Variants in MYOCD observed in about 807,000 individuals in gnomAD.
The protein encoded by MYOCD is myocardin.
MYOCD carries 32 observed loss-of-function variants against 96.1 expected under a neutral mutation model. That is an observed-to-expected ratio of 0.33 (90% confidence interval 0.25 to 0.45). MYOCD has a LOEUF of 0.45. MYOCD is among the 20% of genes least tolerant of loss of function. The pLI is 1.00. For missense variants in MYOCD, 1,133 were observed against 1,200.6 expected, an observed-to-expected ratio of 0.94 and a Z score of 0.83; for synonymous variants, 469 against 469.0, an observed-to-expected ratio of 1.00 and a Z score of 0.00.
chr17:12,736,005 A>G (rs534743127), intron 5 of MYOCD, among the ~76,000 whole-genome samples, 156 bp from the exon 6 acceptor site: 1 of 152,358 alleles, frequency 6.6e-6, no homozygotes, highest in Admixed American at 6.5e-5. Flanking sequence ...TTATAAACCA[A>G]ATAATTTAAA....
At position 12,766,192 on chromosome 17, in the gene MYOCD, C is replaced by G. The variant is rs1432899403; in HGVS notation, c.*2548C>G. 6.6e-6 allele frequency: 1 copy of G among 152,156 alleles called. No homozygotes were observed. Among genetic ancestry groups the G allele is most frequent in the Non-Finnish European group, 1.5e-5 (1 of 68,020 alleles). The allele number at this position is 152,156 out of a possible 1,614,324, so 9.4% of individuals were successfully genotyped here. ...CCCCTTACTTCCTTTGGAAAACAAA[C>G]TCACACAGTGCCCCTACTCTGAGAC... On this transcript the variant is annotated 3_prime_UTR_variant, in exon 14 of 14. Coordinates refer to ENST00000425538, the MANE Select transcript of MYOCD (RefSeq NM_001146312.3).
rs28730829 is a variant in MYOCD at position 12,763,317 on chromosome 17, C to A, written c.2634C>A (p.Ser878Arg). 32 of 1,607,952 alleles carry A rather than the reference C, an allele frequency of 2.0e-5. No individual in the cohort carries two copies. Among genetic ancestry groups the A allele is most frequent in the Non-Finnish European group, 2.7e-5 (32 of 1,177,420 alleles). ...ATGTCACCCTTCTAAAAATTGGGAG[C>A]GAAGAGCCTCACTTTGATGGGATAA... Reference protein sequence around the residue: ...MSDVTLLKIGSEEPHFDGIMD... With the variant: ...MSDVTLLKIGREEPHFDGIMD... Residue 878 changes from serine to arginine, a missense_variant, in exon 14 of 14, where the codon AGC (serine) becomes AGA (arginine). By Grantham distance (110) the Ser-to-Arg change is moderately radical. Coordinates refer to ENST00000425538, the MANE Select transcript of MYOCD (RefSeq NM_001146312.3).
chr17:12,715,404 T>C (rs1200162342), intron 2 of MYOCD, 115 bp from the exon 3 acceptor site: 3 of 744,022 alleles, frequency 4.0e-6, no homozygotes, highest in Admixed American at 5.5e-5. Context: ...TGTGGCCTAA[T>C]AAAGGCAATC....
chr17:12,727,778 A>T (rs1354599658), intron 5 of MYOCD, among the ~76,000 whole-genome samples: 1 of 152,040 alleles, frequency 6.6e-6, no homozygotes, highest in East Asian at 1.9e-4. Flanking sequence ...CTACCCTGGG[A>T]TTTTCCTTCT....
chr17:12,727,774 T>G (rs2032042477), intron 5 of MYOCD, among the ~76,000 whole-genome samples: 1 of 152,152 alleles, frequency 6.6e-6, no homozygotes, highest in Non-Finnish European at 1.5e-5. Flanking sequence ...GTCCCTACCC[T>G]GGGATTTTCC....
chr17:12,697,850 G>A (rs933448991), intron 1 of MYOCD, among the ~76,000 whole-genome samples: 7 of 152,108 alleles, frequency 4.6e-5, no homozygotes, highest in Admixed American at 1.3e-4. Context: ...GAAGAAGTTG[G>A]CATTATAAAT....
intron 5 of MYOCD, among the ~76,000 whole-genome samples, chr17:12,725,345 A>G (rs908410084): frequency 6.7e-6 from 1 of 150,070 alleles, no homozygotes; most frequent in African/African-American, 2.4e-5. Flanking sequence ...AATAAAATAA[A>G]TTACATGTCA....
chr17:12,752,464 C>T lies in MYOCD; in HGVS notation c.1176C>T (p.Gly392=). The change falls in exon 10 of 14, where the codon GGC becomes GGT. Residue 392 remains glycine, a synonymous_variant. Transcript: ENST00000425538. The stretch of plus-strand genomic sequence containing the variant: ...GAATTCGGGGCTTGCCTGTGTCAGG[C>T]ACCAAAACGGCTCTCATGGACCGGC... ...QLRIRGLPVS[G]TKTALMDRLR... is the part of the protein sequence containing the mutation. The T allele has an allele frequency of 6.2e-7, 1 of 1,613,992 alleles. No individual in the cohort carries two copies. The highest frequency in any genetic ancestry group is 8.5e-7 in the Non-Finnish European group (1 of 1,179,946).
At chr17:12,711,355 A>G (rs1302832217) in intron 2 of MYOCD, among the ~76,000 whole-genome samples, 1 of 152,150 alleles carries the variant, frequency 6.6e-6, no homozygotes, top group Non-Finnish European at 1.5e-5. Flanking sequence ...CAGAGCTCAA[A>G]TGGATGGTTC....
rs536104845 is a variant in MYOCD at position 12,721,080 on chromosome 17, A to AT, written c.254-1758dup. Among the ~76,000 whole-genome samples the AT allele has an allele frequency of 4.9e-3, 717 of 145,822 alleles. 13 individuals are homozygous for AT. Among genetic ancestry groups the AT allele is most frequent in the East Asian group, 0.038 (189 of 5,036 alleles). ...AAGTAGGGATTTTCCTGAAGCCTTC[A>AT]TTTTTTTTTGCACACTTTTTTTTTT... On this transcript the variant is annotated intron_variant, in intron 4 of 13. Coordinates refer to ENST00000425538, the MANE Select transcript of MYOCD (RefSeq NM_001146312.3).
In MYOCD at chr17:12,715,528, G is replaced by A. The variant is rs78520788; in HGVS notation, c.131G>A (p.Arg44His). The change falls in exon 3 of 14, where the codon CGT becomes CAT. Residue 44 changes from arginine (R) to histidine (H), a missense_variant. Transcript: ENST00000425538. ...TGTGTTTCTGTTTCAGCACTGAAAC[G>A]TCCAGCTGAATTCCATGAGCAAAGA... ...ANQGIIPPLK[R>H]PAEFHEQRKH... 17 of 1,613,440 alleles carry A rather than the reference G, an allele frequency of 1.1e-5. No homozygotes were observed. Among genetic ancestry groups the A allele is most frequent in the East Asian group, 4.5e-5 (2 of 44,846 alleles).
Position 12,721,189 on chromosome 17 carries a change from C to T in MYOCD, c.254-1658C>T, listed in dbSNP as rs190950313. On this transcript the variant is annotated intron_variant, in intron 4 of 13. Transcript: ENST00000425538. ...TGAAATGTTATTTCTTCCATCATTA[C>T]GGTCTTGAATTAAAATAACAGGGTG... is the stretch of plus-strand genomic sequence containing the variant. Among the ~76,000 whole-genome samples, 323 of 151,626 alleles carry T rather than the reference C, an allele frequency of 2.1e-3. 2 individuals are homozygous for T. The highest frequency in any genetic ancestry group is 6.8e-3 in the Middle Eastern group (2 of 292).
In MYOCD at chr17:12,692,708, A is replaced by G. The variant is rs538848542; in HGVS notation, c.56-12420A>G. ...AATCCTGATATTTCCCTCCTCTTCAACCTGAAACTCTAAGGAGACCTATAC... is the reference window on the plus strand; with the variant it reads ...AATCCTGATATTTCCCTCCTCTTCAGCCTGAAACTCTAAGGAGACCTATAC... On this transcript the variant is annotated intron_variant, in intron 1 of 13. Coordinates refer to ENST00000425538, the MANE Select transcript of MYOCD (RefSeq NM_001146312.3). 5.9e-5 allele frequency among the ~76,000 whole-genome samples: 9 copies of G among 152,112 alleles called. No homozygotes were observed. The South Asian group carries it at 1.7e-3, about 28-fold the overall frequency.
intron 1 of MYOCD, among the ~76,000 whole-genome samples, chr17:12,684,787 G>A (rs1209979381): frequency 3.3e-5 from 5 of 150,682 alleles, no homozygotes; most frequent in Non-Finnish European, 7.4e-5. Context: ...TGGGGGTTGC[G>A]GTGAGCTGAG....
intron 1 of MYOCD, among the ~76,000 whole-genome samples, chr17:12,674,633 G>A (rs1909903508): frequency 6.6e-6 from 1 of 152,156 alleles, no homozygotes. Context: ...ATATGTGCAT[G>A]CATACACATA....
At chr17:12,726,132 A>G (rs930552510) in intron 5 of MYOCD, among the ~76,000 whole-genome samples, 3 of 152,134 alleles carry the variant, frequency 2.0e-5, no homozygotes, top group African/African-American at 7.2e-5. Flanking sequence ...AGAAAGGTGT[A>G]TTTCTTGCTT....
rs1210292795 is a variant in MYOCD, at chr17:12,744,368, C to T, written c.903C>T (p.Ile301=). 6 of 1,614,082 alleles carry T rather than the reference C, an allele frequency of 3.7e-6. No individual in the cohort carries two copies. Among genetic ancestry groups the T allele is most frequent in the Non-Finnish European group, 5.1e-6 (6 of 1,180,048 alleles). The part of the protein sequence containing the change: ...QQQQLFLQLQ[I]LSQQQQQQQH... ...AGCAGCTGTTCCTGCAGCTCCAAAT[C>T]CTCAGCCAGCAGCAGCAGCAGCAGC... Residue 301 remains isoleucine (I), a synonymous_variant, in exon 8 of 14, where the codon ATC becomes ATT. Coordinates refer to ENST00000425538, the MANE Select transcript of MYOCD (RefSeq NM_001146312.3).
At chr17:12,704,950 C>T (rs1025456681) in intron 1 of MYOCD, 178 bp from the exon 2 acceptor site, 6 of 582,266 alleles carry the variant, frequency 1.0e-5, no homozygotes, top group South Asian at 4.4e-5. Context: ...ACCTTGTAAC[C>T]TTCTCAGCTT....
At chr17:12,715,680 A>G in intron 3 of MYOCD, 106 bp downstream of exon 3, 1 of 827,302 alleles carries the variant, frequency 1.2e-6, no homozygotes, top group East Asian at 2.7e-5. Context: ...AACACAATCA[A>G]TTTGCCAGTC....
Sources: allele counts gnomAD v4.1 joint callset (sites outside exome capture counted in the v4.1 genomes callset), GRCh38; gene constraint gnomAD v4.1.1; transcripts MANE v1.5; gene names NCBI Gene and HGNC (gene_info 2026-07-23, HGNC 2026-07-21).